The following ADGRL3 variants were observed in gnomAD, a reference collection of about 807,000 sequenced individuals.
ADGRL3 encodes calcium-independent alpha-latrotoxin receptor 3.
A neutral mutation model predicts 153.5 loss-of-function variants in ADGRL3; 62 were observed. The observed-to-expected ratio is 0.40, with a 90% CI of 0.33 to 0.50. The LOEUF is 0.50. Among genes scored for constraint, ADGRL3 ranks in the 20% least tolerant of loss-of-function variants. The pLI, the probability that ADGRL3 is intolerant of heterozygous loss-of-function variation, is 0.47. For missense variants in ADGRL3, 1,641 were observed against 1,859.4 expected (o/e 0.88, Z 2.16); for synonymous variants, 710 against 672.5 (o/e 1.06, Z -0.86).
At position 61,449,517 on chromosome 4, in the gene ADGRL3, T is replaced by G. The variant is rs561779512; in HGVS notation, c.-173-47604T>G. Among the ~76,000 whole-genome samples, 10 of 152,236 alleles carry G rather than the reference T, an allele frequency of 6.6e-5. No individual in the cohort carries two copies. In the South Asian group the frequency reaches 1.9e-3, roughly 28 times the overall value. On this transcript the variant is annotated intron_variant, in intron 2 of 26. Coordinates refer to ENST00000683033, the MANE Select transcript of ADGRL3 (RefSeq NM_001387552.1). ...AGACTGTACCTAGGCAGGTACAGTT[T>G]AAAAGTACTAATTGTGTCTACCTAT...
At chr4:61,313,800 T>G (rs1309462427) in intron 1 of ADGRL3, among the ~76,000 whole-genome samples, 1 of 152,150 alleles carries the variant, frequency 6.6e-6, no homozygotes, top group Non-Finnish European at 1.5e-5. Context: ...TGATTTTAGT[T>G]CCGGGTCTTA....
intron 8 of ADGRL3, among the ~76,000 whole-genome samples, chr4:61,797,501 C>T (rs1001855733): frequency 6.6e-6 from 1 of 152,066 alleles, no homozygotes; most frequent in African/African-American, 2.4e-5. Flanking sequence ...TAGCAATTAC[C>T]TAATTGATTT....
intron 2 of ADGRL3, among the ~76,000 whole-genome samples, chr4:61,405,003 A>G (rs1316412433): frequency 6.6e-6 from 1 of 152,080 alleles, no homozygotes; most frequent in Non-Finnish European, 1.5e-5. Context: ...AACTATGCTT[A>G]CATGGGACTC....
chr4:61,560,889 G>A (rs1415715264), intron 4 of ADGRL3, among the ~76,000 whole-genome samples: 1 of 152,058 alleles, frequency 6.6e-6, no homozygotes, highest in Non-Finnish European at 1.5e-5. Flanking sequence ...TCTCTGATTT[G>A]TTTAAGGTTG....
chr4:61,792,491 T>TA (rs1239082379), intron 8 of ADGRL3, among the ~76,000 whole-genome samples: 1,781 of 112,880 alleles, frequency 0.016, 43 homozygotes, highest in African/African-American at 0.069. Flanking sequence ...TTTATTTATT[T>TA]TATTATTTTT....
intron 8 of ADGRL3, among the ~76,000 whole-genome samples, chr4:61,783,261 A>G (rs1162865568): frequency 6.6e-6 from 1 of 152,060 alleles, no homozygotes; most frequent in Admixed American, 6.6e-5. Flanking sequence ...ATGTTACTTT[A>G]CCTTATCCTT....
intron 5 of ADGRL3, among the ~76,000 whole-genome samples, chr4:61,617,834 C>A (rs1167862043): frequency 3.9e-5 from 6 of 152,190 alleles, no homozygotes; most frequent in African/African-American, 1.4e-4. Context: ...TGTTATAAAT[C>A]CTACTTGAAT....
chr4:61,773,580 C>G (rs372004784), intron 8 of ADGRL3, among the ~76,000 whole-genome samples: 1 of 152,212 alleles, frequency 6.6e-6, no homozygotes, highest in South Asian at 2.1e-4. Context: ...CCATGCGTTG[C>G]AGGTACTGTG....
intron 6 of ADGRL3, among the ~76,000 whole-genome samples, chr4:61,725,540 A>AG (rs2096315084): frequency 6.6e-6 from 1 of 151,262 alleles, no homozygotes; most frequent in East Asian, 1.9e-4. Context: ...GCTTGCAGTG[A>AG]GCCAAGATTG....
At chr4:61,592,140 A>T (rs1248795179) in intron 5 of ADGRL3, among the ~76,000 whole-genome samples, 1 of 151,656 alleles carries the variant, frequency 6.6e-6, no homozygotes, top group Non-Finnish European at 1.5e-5. Context: ...TTTTCAGTTC[A>T]TATCAATAGC....
At chr4:61,279,242 AT>A (rs1247084293) in intron 1 of ADGRL3, among the ~76,000 whole-genome samples, 2 of 152,184 alleles carry the variant, frequency 1.3e-5, no homozygotes, top group African/African-American at 4.8e-5. Context: ...TAGTTTACTT[AT>A]AAGTAAACTG....
At chr4:61,778,783 C>T (rs943164965) in intron 8 of ADGRL3, among the ~76,000 whole-genome samples, 26 of 152,274 alleles carry the variant, frequency 1.7e-4, no homozygotes, top group East Asian at 5.8e-4. Context: ...GTAAGCTGGG[C>T]GTGGTGGATC....
At chr4:61,327,280 T>A (rs1316616955) in intron 1 of ADGRL3, among the ~76,000 whole-genome samples, 2 of 151,708 alleles carry the variant, frequency 1.3e-5, no homozygotes, top group African/African-American at 2.4e-5. Flanking sequence ...CATCCAGAGC[T>A]TCAAAAGTAT....
intron 9 of ADGRL3, among the ~76,000 whole-genome samples, chr4:61,888,422 G>C (rs1395995230): frequency 1.3e-5 from 2 of 152,120 alleles, no homozygotes; most frequent in Non-Finnish European, 2.9e-5. Context: ...TATAATATAG[G>C]CTAGAACTTT....
intron 6 of ADGRL3, among the ~76,000 whole-genome samples, chr4:61,723,681 C>T (rs572004654): frequency 2.2e-4 from 34 of 152,190 alleles, no homozygotes; most frequent in African/African-American, 7.9e-4. Context: ...GCCATGACAC[C>T]TGGCGTATGT....
chr4:62,005,364 A>T (rs1382491724), intron 21 of ADGRL3, among the ~76,000 whole-genome samples: 1 of 152,148 alleles, frequency 6.6e-6, no homozygotes, highest in Non-Finnish European at 1.5e-5. Flanking sequence ...TGTCGACTGG[A>T]AGCTCACATT....
intron 2 of ADGRL3, among the ~76,000 whole-genome samples, chr4:61,482,377 A>AT (rs2152740960): frequency 6.6e-6 from 1 of 152,278 alleles, no homozygotes; most frequent in Non-Finnish European, 1.5e-5. Context: ...CAGCTTGGTT[A>AT]TTTCTGATGG....
At chr4:61,693,617 T>A (rs2095579737) in intron 6 of ADGRL3, among the ~76,000 whole-genome samples, 1 of 152,224 alleles carries the variant, frequency 6.6e-6, no homozygotes, top group Non-Finnish European at 1.5e-5. Context: ...ATATCAGTTC[T>A]TGTTGCGGAT....
intron 4 of ADGRL3, among the ~76,000 whole-genome samples, chr4:61,535,796 C>G (rs1393770704): frequency 6.6e-6 from 1 of 151,692 alleles, no homozygotes; most frequent in Admixed American, 6.6e-5. Flanking sequence ...TCCATCTTTT[C>G]TTCTTCGTTA....
Sources: gnomAD v4.1 joint callset for allele counts (sites outside exome capture counted in the v4.1 genomes callset) on GRCh38, gnomAD v4.1.1 for gene constraint, MANE v1.5 for transcripts, NCBI Gene and HGNC (gene_info 2026-07-23, HGNC 2026-07-21) for gene names.